Variants in POU6F2 observed in about 807,000 individuals in gnomAD.
POU6F2 encodes the protein POU class 6 homeobox 2, also known as POU domain, class 6, transcription factor 2.
A neutral mutation model predicts 71.3 loss-of-function variants in POU6F2; 31 were observed. The observed-to-expected ratio is 0.43, with a 90% confidence interval of 0.33 to 0.59. The LOEUF (loss-of-function observed/expected upper bound fraction) is 0.59, where lower values mean the gene tolerates loss of function less well. Among genes scored for constraint, POU6F2 ranks in the 20% least tolerant of loss-of-function variants. The pLI is 0.04. For missense variants in POU6F2, 783 were observed against 856.8 expected, an observed-to-expected ratio of 0.91 and a Z score of 1.07; for synonymous variants, 347 against 355.7, an observed-to-expected ratio of 0.98 and a Z score of 0.27.
chr7:39,411,536 G>T (rs1237416363), intron 6 of POU6F2, among the ~76,000 whole-genome samples: 6 of 152,154 alleles, frequency 3.9e-5, no homozygotes, highest in Non-Finnish European at 5.9e-5. Context: ...CAGTCAAGGG[G>T]GGGGAAGTCA....
intron 4 of POU6F2, among the ~76,000 whole-genome samples, chr7:39,273,592 A>G (rs1185484685): frequency 1.3e-5 from 2 of 152,164 alleles, no homozygotes; most frequent in African/African-American, 4.8e-5. Flanking sequence ...ACTAAATATA[A>G]CATGGTACCC....
intron 1 of POU6F2, among the ~76,000 whole-genome samples, chr7:39,050,883 G>C (rs1416956453): frequency 6.6e-6 from 1 of 152,156 alleles, no homozygotes; most frequent in East Asian, 1.9e-4. Context: ...TCAGTTTGCT[G>C]TAAGTGTTTG....
intron 1 of POU6F2, among the ~76,000 whole-genome samples, chr7:39,030,543 T>TATATACAC (rs1491146903): frequency 6.8e-5 from 6 of 88,016 alleles, no homozygotes; most frequent in African/African-American, 2.4e-4. Context: ...TATATATATA[T>TATATACAC]ACACACACAT....
intron 6 of POU6F2, among the ~76,000 whole-genome samples, chr7:39,427,904 C>G (rs1788010889): frequency 6.6e-6 from 1 of 152,184 alleles, no homozygotes. Context: ...AACCCTCAGA[C>G]TGCTGCTGAT....
At chr7:39,003,327 T>C (rs1375825636) in intron 1 of POU6F2, among the ~76,000 whole-genome samples, 1 of 151,896 alleles carries the variant, frequency 6.6e-6, no homozygotes, top group African/African-American at 2.4e-5. Context: ...ACCACAAAAA[T>C]AGTAAGTTGT....
At chr7:39,303,557 T>G (rs1291951388) in intron 4 of POU6F2, among the ~76,000 whole-genome samples, 1 of 152,226 alleles carries the variant, frequency 6.6e-6, no homozygotes, top group Non-Finnish European at 1.5e-5. Flanking sequence ...ATATGCTTAT[T>G]CCCTGGATCT....
At chr7:39,393,078 C>A (rs1020585686) in intron 5 of POU6F2, among the ~76,000 whole-genome samples, 1 of 152,146 alleles carries the variant, frequency 6.6e-6, no homozygotes. Context: ...ACAATCTATA[C>A]AACAATACAA....
intron 2 of POU6F2, among the ~76,000 whole-genome samples, chr7:39,094,011 G>A (rs1036474734): frequency 1.3e-4 from 19 of 151,930 alleles, no homozygotes; most frequent in African/African-American, 3.9e-4. Context: ...CTTTCTTTTA[G>A]TTCATGCTAT....
intron 4 of POU6F2, among the ~76,000 whole-genome samples, chr7:39,255,542 G>A (rs1784004209): frequency 6.6e-6 from 1 of 152,210 alleles, no homozygotes; most frequent in African/African-American, 2.4e-5. Flanking sequence ...AATAATAAAT[G>A]ACTGCAGTCT....
intron 2 of POU6F2, among the ~76,000 whole-genome samples, chr7:39,185,935 G>T: frequency 6.6e-6 from 1 of 151,190 alleles, no homozygotes; most frequent in African/African-American, 2.4e-5. Flanking sequence ...ATTTGAGATG[G>T]AGTTTTGCTC....
chr7:39,159,715 A>G (rs1232615225), intron 2 of POU6F2, among the ~76,000 whole-genome samples: 3 of 152,150 alleles, frequency 2.0e-5, no homozygotes, highest in Non-Finnish European at 4.4e-5. Context: ...AACAGAAGGG[A>G]TGTAAAGAGG....
intron 7 of POU6F2, among the ~76,000 whole-genome samples, chr7:39,442,078 T>A (rs1212096742): frequency 6.6e-6 from 1 of 152,200 alleles, no homozygotes; most frequent in East Asian, 1.9e-4. Context: ...AAACCCATTC[T>A]TGGTGGCTCT....
intron 2 of POU6F2, among the ~76,000 whole-genome samples, chr7:39,101,804 A>G (rs1005485125): frequency 6.9e-4 from 105 of 152,344 alleles, no homozygotes; most frequent in African/African-American, 2.2e-3. Flanking sequence ...CAATGTATAC[A>G]TATAACAAAA....
chr7:39,342,563 T>G (rs186696709), intron 5 of POU6F2, among the ~76,000 whole-genome samples: 1 of 152,218 alleles, frequency 6.6e-6, no homozygotes, highest in African/African-American at 2.4e-5. Flanking sequence ...AACTATGCAA[T>G]GTAGATTACC....
chr7:39,200,943 C>T (rs1218205766), intron 2 of POU6F2, among the ~76,000 whole-genome samples: 1 of 151,922 alleles, frequency 6.6e-6, no homozygotes, highest in African/African-American at 2.4e-5. Context: ...AGGAGGATTG[C>T]TTGAGCCCAG....
intron 1 of POU6F2, among the ~76,000 whole-genome samples, chr7:39,076,403 AGT>A (rs1179333207): frequency 6.6e-6 from 1 of 152,212 alleles, no homozygotes; most frequent in African/African-American, 2.4e-5. Context: ...CTAACACCTA[AGT>A]GTTTTGGAAA....
intron 4 of POU6F2, among the ~76,000 whole-genome samples, chr7:39,258,340 A>T (rs1024877516): frequency 1.3e-5 from 2 of 152,180 alleles, no homozygotes; most frequent in African/African-American, 4.8e-5. Context: ...ATTCACTGAG[A>T]AAAAGAGAAA....
intron 2 of POU6F2, among the ~76,000 whole-genome samples, chr7:39,179,082 C>T (rs538941680): frequency 2.0e-5 from 3 of 151,992 alleles, no homozygotes; most frequent in Non-Finnish European, 4.4e-5. Flanking sequence ...GTTTAGATTC[C>T]ATAAAGATAA....
chr7:39,209,054 TA>T (rs1019828220), intron 4 of POU6F2, among the ~76,000 whole-genome samples: 1 of 151,266 alleles, frequency 6.6e-6, no homozygotes, highest in Non-Finnish European at 1.5e-5. Flanking sequence ...AATCAGAGTT[TA>T]AAAAAAAAGT....
Sources: gnomAD v4.1 joint callset for allele counts (sites outside exome capture counted in the v4.1 genomes callset) on GRCh38, gnomAD v4.1.1 for gene constraint, MANE v1.5 for transcripts, NCBI Gene and HGNC (gene_info 2026-07-23, HGNC 2026-07-21) for gene names.